The following RPS6KA2 variants were observed in gnomAD, a reference collection of about 807,000 sequenced individuals.
RPS6KA2 encodes the protein ribosomal protein S6 kinase alpha-2.
RPS6KA2 carries 42 observed loss-of-function variants against 91.8 expected under a neutral mutation model. The observed-to-expected ratio is 0.46, with a 90% CI of 0.36 to 0.59. RPS6KA2 has a LOEUF of 0.59. Among genes scored for constraint, RPS6KA2 ranks in the 20% least tolerant of loss-of-function variants. The pLI, the probability that RPS6KA2 is intolerant of heterozygous loss-of-function variation, is 0.00. For synonymous variants in RPS6KA2, 414 were observed against 393.6 expected, an observed-to-expected ratio of 1.05 and a Z score of -0.61; for missense variants, 798 against 978.5, an observed-to-expected ratio of 0.82 and a Z score of 2.46.
At chr6:166,443,816 T>C (rs1022703400) in intron 14 of RPS6KA2, among the ~76,000 whole-genome samples, 1 of 152,190 alleles carries the variant, frequency 6.6e-6, no homozygotes, top group Non-Finnish European at 1.5e-5. Context: ...TAGACTAGCA[T>C]CTATGTATAT....
intron 1 of RPS6KA2, among the ~76,000 whole-genome samples, chr6:166,568,151 T>G (rs1784558987): frequency 6.6e-6 from 1 of 152,146 alleles, no homozygotes; most frequent in Non-Finnish European, 1.5e-5. Flanking sequence ...GTGACAGGAA[T>G]CTTTAAGAAT....
At chr6:166,798,654 A>T (rs145301010) in intron 2 of RPS6KA2, among the ~76,000 whole-genome samples, 84 of 152,310 alleles carry the variant, frequency 5.5e-4, no homozygotes, top group Non-Finnish European at 9.7e-4. Context: ...CACATGGCAT[A>T]AGTATTTTTA....
chr6:166,418,439 A>G lies in RPS6KA2; in HGVS notation c.1821-97T>C, dbSNP rs572670206. 6 of 900,186 alleles carry G rather than the reference A, an allele frequency of 6.7e-6. No homozygotes were observed. The highest frequency in any genetic ancestry group is 5.0e-5 in the African/African-American group (3 of 59,920). The allele number at this position is 900,186 out of a possible 1,614,324, so 55.8% of individuals were successfully genotyped here. A position where few individuals can be genotyped will look rare whatever the true frequency, so the allele number is the denominator to read the frequency against. On this transcript the variant is annotated intron_variant, in intron 18 of 20. Transcript: ENST00000265678. The surrounding 1 kb of genome is among the most constrained non-coding windows in gnomAD (Gnocchi z 4.9). ...TCACCCCTTGGCTGTTCAAAGGAAT[A>G]GCACTTTGCTTCTCCCTCCTCTGCT...
In RPS6KA2 at chr6:166,533,342, G is replaced by A. The variant is rs909253715; in HGVS notation, c.217-2029C>T. On this transcript the variant is annotated intron_variant, in intron 2 of 20. Coordinates refer to ENST00000265678, the MANE Select transcript of RPS6KA2 (RefSeq NM_021135.6). This position sits in a 1 kb window ranked among gnomAD's most constrained non-coding sequence, Gnocchi z 4.0. ...ACAGTGCAGGGAGGAGGCAGGCGCA[G>A]CCCAGGAGTCCAGGAGCTGGGCAAG... Among the ~76,000 whole-genome samples, 1 of 152,232 alleles carries A rather than the reference G, an allele frequency of 6.6e-6. No homozygotes were observed. Among genetic ancestry groups the A allele is most frequent in the East Asian group, 1.9e-4 (1 of 5,196 alleles).
At chr6:166,775,001 C>A (rs1778575925) in intron 2 of RPS6KA2, among the ~76,000 whole-genome samples, 1 of 152,010 alleles carries the variant, frequency 6.6e-6, no homozygotes, top group Non-Finnish European at 1.5e-5. Context: ...GATATTTTTA[C>A]ACAGGATAAT....
intron 1 of RPS6KA2, among the ~76,000 whole-genome samples, chr6:166,623,814 G>T (rs539821210): frequency 6.6e-6 from 1 of 152,264 alleles, no homozygotes; most frequent in South Asian, 2.1e-4. Flanking sequence ...CAAAATTATA[G>T]TTGCCAGAGT....
intron 2 of RPS6KA2, among the ~76,000 whole-genome samples, chr6:166,855,886 G>A (rs1780886579): frequency 6.6e-6 from 1 of 152,126 alleles, no homozygotes; most frequent in Non-Finnish European, 1.5e-5. Flanking sequence ...AAGATGCAAA[G>A]ATATACTGGT....
rs564873619 is a variant in RPS6KA2 at position 166,783,843 on chromosome 6, T to G, written c.123+74357A>C. On this transcript the variant is annotated intron_variant, in intron 2 of 21. Coordinates refer to the RPS6KA2 transcript ENST00000503859. ...CCACATATGCACACGTGCACACCTATCTATACCACATATGCACACGTGCAC... is the reference window on the plus strand; with the variant it reads ...CCACATATGCACACGTGCACACCTAGCTATACCACATATGCACACGTGCAC... Among the ~76,000 whole-genome samples, 5 of 54,280 alleles carry G rather than the reference T, an allele frequency of 9.2e-5. 2 individuals carry two copies. Among genetic ancestry groups the G allele is most frequent in the Non-Finnish European group, 2.1e-4 (5 of 24,018 alleles). The allele number at this position is 54,280 out of a possible 152,430, so 35.6% of individuals were successfully genotyped here.
In RPS6KA2 at chr6:166,412,938, T is replaced by G; in HGVS notation, c.2077-51A>C. On this transcript the variant is annotated intron_variant, in intron 20 of 20. Coordinates refer to ENST00000265678, the MANE Select transcript of RPS6KA2 (RefSeq NM_021135.6). This position sits in a 1 kb window ranked among gnomAD's most constrained non-coding sequence, Gnocchi z 4.3. ...AGCCGCGGCGCCTCACTCCAGGGGT[T>G]GAGCCGGAGCCCGGGGCCTCCATGG... The G allele has an allele frequency of 6.7e-7, 1 of 1,501,406 alleles. No individual in the cohort carries two copies. The highest frequency in any genetic ancestry group is 8.9e-7 in the Non-Finnish European group (1 of 1,119,842). 93.0% of individuals were successfully genotyped at this position (1,501,406 alleles called of 1,614,324 possible). A position where few individuals can be genotyped will look rare whatever the true frequency, so the allele number is the denominator to read the frequency against.
At chr6:166,680,856 C>T (rs1788780780) in intron 2 of RPS6KA2, among the ~76,000 whole-genome samples, 1 of 152,214 alleles carries the variant, frequency 6.6e-6, no homozygotes, top group Non-Finnish European at 1.5e-5. Context: ...CAAAAGGAGA[C>T]TTGCTGAGGC....
At chr6:166,742,412 A>G (rs989356389) in intron 2 of RPS6KA2, among the ~76,000 whole-genome samples, 12 of 152,136 alleles carry the variant, frequency 7.9e-5, no homozygotes, top group Middle Eastern at 6.3e-3. Flanking sequence ...TTGTGTCATA[A>G]GAGAGACACA....
chr6:166,725,840 G>A (rs749014788), intron 2 of RPS6KA2, among the ~76,000 whole-genome samples: 6 of 152,220 alleles, frequency 3.9e-5, no homozygotes, highest in African/African-American at 7.2e-5. Flanking sequence ...GGCGGCGCAG[G>A]CCCAGAGGGA....
chr6:166,503,795 C>G (rs1782102887), intron 6 of RPS6KA2, among the ~76,000 whole-genome samples: 1 of 152,246 alleles, frequency 6.6e-6, no homozygotes, highest in Non-Finnish European at 1.5e-5. Flanking sequence ...AATGGGAACA[C>G]TATTATTTTG....
At chr6:166,518,630 A>G (rs992838063) in intron 3 of RPS6KA2, among the ~76,000 whole-genome samples, 2 of 152,224 alleles carry the variant, frequency 1.3e-5, no homozygotes, top group African/African-American at 4.8e-5. Flanking sequence ...TTGACTCCCC[A>G]GGCACAATGT....
At chr6:166,848,412 C>A (rs187404260) in intron 2 of RPS6KA2, among the ~76,000 whole-genome samples, 117 of 152,228 alleles carry the variant, frequency 7.7e-4, no homozygotes, top group African/African-American at 2.7e-3. Flanking sequence ...CTACTGGGTA[C>A]CTACCCAGAG....
chr6:166,678,251 G>T (rs377339171), intron 2 of RPS6KA2, among the ~76,000 whole-genome samples: 1 of 152,182 alleles, frequency 6.6e-6, no homozygotes, highest in Admixed American at 6.5e-5. Context: ...CTCCAGGTGG[G>T]TCTAAATCCT....
Position 166,498,608 on chromosome 6 carries a change from G to A in RPS6KA2, c.647C>T (p.Ala216Val), listed in dbSNP as rs1223838046. 8 of 1,613,836 alleles carry A rather than the reference G, an allele frequency of 5.0e-6. No homozygotes were observed. Among genetic ancestry groups the A allele is most frequent in the South Asian group, 1.1e-5 (1 of 91,030 alleles). ...CTCGATCGTCCCGCAGAAGGAGTAC[G>A]CTCTCTTGTCGTGGTCAATGGCCTC... Reference protein sequence around the residue: ...SKEAIDHDKRAYSFCGTIEYM... With the variant: ...SKEAIDHDKRVYSFCGTIEYM... The change falls in exon 8 of 21, where the codon GCG (alanine) becomes GTG (valine). Residue 216 changes from alanine (A) to valine (V), a missense_variant. Physicochemically the swap from Ala to Val is moderately conservative, Grantham distance 64. Coordinates refer to ENST00000265678, the MANE Select transcript of RPS6KA2 (RefSeq NM_021135.6).
chr6:166,782,299 C>A (rs1778792308), intron 2 of RPS6KA2, among the ~76,000 whole-genome samples: 1 of 152,104 alleles, frequency 6.6e-6, no homozygotes, highest in Non-Finnish European at 1.5e-5. Context: ...CAAAAAACAA[C>A]AACCACAACA....
At chr6:166,802,594 AG>A (rs1323590730) in intron 2 of RPS6KA2, among the ~76,000 whole-genome samples, 2 of 152,172 alleles carry the variant, frequency 1.3e-5, no homozygotes, top group African/African-American at 4.8e-5. Flanking sequence ...TGGTCTTTAG[AG>A]GGGAAGACTC....
Sources: gnomAD v4.1 joint callset for allele counts (sites outside exome capture counted in the v4.1 genomes callset) on GRCh38, gnomAD v4.1.1 for gene constraint, Gnocchi (gnomAD v3.1) non-coding constraint, MANE v1.5 for transcripts, NCBI Gene and HGNC (gene_info 2026-07-23, HGNC 2026-07-21) for gene names.